PTPRU: variants seen among roughly 807,000 people sequenced by gnomAD.
The protein encoded by PTPRU is receptor-type tyrosine-protein phosphatase U.
In PTPRU, 69 loss-of-function variants were observed where a neutral mutation model predicts 166.3. That is an observed-to-expected ratio of 0.41 (90% CI 0.34 to 0.51). The LOEUF (loss-of-function observed/expected upper bound fraction) is 0.51. Among genes scored for constraint, PTPRU ranks in the 20% least tolerant of loss-of-function variants. The pLI, the probability that PTPRU is intolerant of heterozygous loss-of-function variation, is 0.09. For missense variants in PTPRU, 1,657 were observed against 2,013.7 expected, an observed-to-expected ratio of 0.82 and a Z score of 3.39; for synonymous variants, 793 against 814.0, an observed-to-expected ratio of 0.97 and a Z score of 0.44.
rs201737686 is a variant in PTPRU at position 29,311,561 on chromosome 1, G to A, written c.2955+8G>A. On this transcript the variant is annotated splice_region_variant and intron_variant, in intron 20 of 29. Coordinates refer to ENST00000373779, the MANE Select transcript of PTPRU (RefSeq NM_133178.4). This position sits in a 1 kb window ranked among gnomAD's most constrained non-coding sequence, Gnocchi z 4.1. ...CTGGTCGAGGTGGGCAGGGTAAGCC[G>A]GGCTGTGGGGCGAGCTGGGGCGCAT... is the stretch of plus-strand genomic sequence containing the variant. 226 of 1,614,098 alleles carry A rather than the reference G, an allele frequency of 1.4e-4. No homozygotes were observed. The highest frequency in any genetic ancestry group is 1.8e-4 in the Non-Finnish European group (210 of 1,180,054).
At position 29,277,803 on chromosome 1, in the gene PTPRU, C is replaced by CTTTTTTTTTTTTTTTTTTTTTTT. The variant is rs71586898; in HGVS notation, c.1454-1198_1454-1176dup. Among the ~76,000 whole-genome samples, 19 of 50,590 alleles carry CTTTTTTTTTTTTTTTTTTTTTTT rather than the reference C, an allele frequency of 3.8e-4. 5 individuals carry two copies. The highest frequency in any genetic ancestry group is 6.4e-4 in the African/African-American group (7 of 10,910). The allele number at this position is 50,590 out of a possible 152,430, so 33.2% of individuals were successfully genotyped here. On this transcript the variant is annotated intron_variant, in intron 8 of 29. Coordinates refer to ENST00000373779, the MANE Select transcript of PTPRU (RefSeq NM_133178.4). ...ACCATCTGGCTTCACAGTTGTCATTCTTTTTTTTTTTTTTTTTTTTTTTTT... is the reference window on the plus strand; with the variant it reads ...ACCATCTGGCTTCACAGTTGTCATTCTTTTTTTTTTTTTTTTTTTTTTTTTTTTTTTTTTTTTTTTTTTTTTTT...
At chr1:29,294,136 C>T (rs1183782714) in intron 15 of PTPRU, among the ~76,000 whole-genome samples, 1 of 152,194 alleles carries the variant, frequency 6.6e-6, no homozygotes, top group African/African-American at 2.4e-5. Flanking sequence ...GCATCTTCAG[C>T]TTAATAAGAG....
intron 2 of PTPRU, among the ~76,000 whole-genome samples, chr1:29,255,994 A>G (rs1349486062): frequency 1.3e-5 from 2 of 152,288 alleles, no homozygotes; most frequent in South Asian, 2.1e-4. Flanking sequence ...TCCTGCTTTC[A>G]TCATGGCCCC....
At chr1:29,263,606 A>C (rs1208786117) in intron 7 of PTPRU, among the ~76,000 whole-genome samples, 2 of 152,130 alleles carry the variant, frequency 1.3e-5, no homozygotes, top group African/African-American at 4.8e-5. Context: ...TTAAATTTCC[A>C]CTACTTGTCT....
intron 15 of PTPRU, 46 bp downstream of exon 15, chr1:29,292,072 C>A: frequency 6.2e-7 from 1 of 1,604,600 alleles, no homozygotes; most frequent in Non-Finnish European, 8.5e-7. Flanking sequence ...TCTGGGGCTC[C>A]CAACCTGAGA....
At chr1:29,293,620 G>A (rs1320804410) in intron 15 of PTPRU, among the ~76,000 whole-genome samples, 3 of 151,770 alleles carry the variant, frequency 2.0e-5, no homozygotes, top group African/African-American at 4.8e-5. Flanking sequence ...GACTACAGGC[G>A]CCCGCCACTG....
intron 1 of PTPRU, among the ~76,000 whole-genome samples, chr1:29,248,449 C>T (rs1684392940): frequency 6.6e-6 from 1 of 152,094 alleles, no homozygotes. Flanking sequence ...TGAATTCCCC[C>T]ACCCACAACT....
In PTPRU at chr1:29,260,985, T is replaced by C. The variant is rs1189508746; in HGVS notation, c.1144+82T>C. 7.2e-7 allele frequency: 1 copy of C among 1,396,664 alleles called. No homozygotes were observed. Among genetic ancestry groups the C allele is most frequent in the Non-Finnish European group, 9.4e-7 (1 of 1,068,788 alleles). The allele number at this position is 1,396,664 out of a possible 1,614,324, so 86.5% of individuals were successfully genotyped here. On this transcript the variant is annotated intron_variant, in intron 7 of 29. Transcript: ENST00000373779. The surrounding 1 kb of genome is among the most constrained non-coding windows in gnomAD (Gnocchi z 8.3). ...GGCGCATTCGAGAGGTAGCGTGGCCTGTGCTTGTAAACCTTTCTAAAACAT... is the reference window on the plus strand; with the variant it reads ...GGCGCATTCGAGAGGTAGCGTGGCCCGTGCTTGTAAACCTTTCTAAAACAT...
rs1687954106 is a variant in PTPRU, at chr1:29,317,574, T to A, written c.3514-174T>A. 6.6e-6 allele frequency among the ~76,000 whole-genome samples: 1 copy of A among 152,180 alleles called. No individual in the cohort carries two copies. The stretch of plus-strand genomic sequence containing the variant: ...TCTCTAGAGCTCTATCCAGGCCCTA[T>A]AATGGCCTAGAGACAGGGAGTCTGG... On this transcript the variant is annotated intron_variant, in intron 24 of 29. Transcript: ENST00000373779. The surrounding 1 kb of genome is among the most constrained non-coding windows in gnomAD (Gnocchi z 5.6).
chr1:29,306,642 G>A (rs577815243), intron 18 of PTPRU, among the ~76,000 whole-genome samples: 1 of 152,332 alleles, frequency 6.6e-6, no homozygotes, highest in African/African-American at 2.4e-5. Context: ...AGAGGAGAGG[G>A]AAGAGTGTCC....
In PTPRU at chr1:29,260,310, T is replaced by C. The variant is rs1684997557; in HGVS notation, c.850+266T>C. On this transcript the variant is annotated intron_variant, in intron 6 of 29. Coordinates refer to ENST00000373779, the MANE Select transcript of PTPRU (RefSeq NM_133178.4). The surrounding 1 kb of genome is among the most constrained non-coding windows in gnomAD (Gnocchi z 8.3). ...GGTGGGGTTCTGGCTGTGTGACTTC[T>C]GTGTTGATCCTAGCTGGCCTGCGGT... 4.2e-6 allele frequency: 2 copies of C among 480,786 alleles called. No individual in the cohort carries two copies. Among genetic ancestry groups the C allele is most frequent in the South Asian group, 4.6e-5 (1 of 21,556 alleles). The allele number at this position is 480,786 out of a possible 1,614,324, so 29.8% of individuals were successfully genotyped here. A position where few individuals can be genotyped will look rare whatever the true frequency, so the allele number is the denominator to read the frequency against.
At position 29,311,526 on chromosome 1, in the gene PTPRU, G is replaced by A. The variant is rs1188918106; in HGVS notation, c.2928G>A (p.Met976Ile). 6.2e-7 allele frequency: 1 copy of A among 1,614,172 alleles called. No homozygotes were observed. Among genetic ancestry groups the A allele is most frequent in the Non-Finnish European group, 8.5e-7 (1 of 1,180,024 alleles). Residue 976 changes from methionine to isoleucine, a missense_variant, in exon 20 of 30, where the codon ATG becomes ATA. By Grantham distance (10) the Met-to-Ile change is conservative. Coordinates refer to ENST00000373779, the MANE Select transcript of PTPRU (RefSeq NM_133178.4). The surrounding 1 kb of genome is among the most constrained non-coding windows in gnomAD (Gnocchi z 4.1). ...VWQEHCSSIVMITKLVEVGRV... is the reference protein window; with the variant it reads ...VWQEHCSSIVIITKLVEVGRV... ...AGGAGCACTGTTCCAGCATCGTCAT[G>A]ATCACCAAGCTGGTCGAGGTGGGCA...
intron 26 of PTPRU, among the ~76,000 whole-genome samples, chr1:29,322,520 G>T (rs1004764307): frequency 2.0e-5 from 3 of 152,154 alleles, no homozygotes; most frequent in Non-Finnish European, 4.4e-5. Flanking sequence ...AGAGAGACCC[G>T]TGGAGAGGGA....
intron 14 of PTPRU, among the ~76,000 whole-genome samples, chr1:29,288,528 C>T (rs1686467651): frequency 6.6e-6 from 1 of 152,196 alleles, no homozygotes; most frequent in Non-Finnish European, 1.5e-5. Flanking sequence ...CGTGGGGCCT[C>T]TGCAACAGCC....
Position 29,260,086 on chromosome 1 carries a change from GA to G in PTPRU, c.850+43del. ...CGGGGAGCGCCGGGACCTCACCCTCGAGGGGCGGGGCCGGCGACGGGGGCGG... is the reference window on the plus strand; with the variant it reads ...CGGGGAGCGCCGGGACCTCACCCTCGGGGGCGGGGCCGGCGACGGGGGCGG... On this transcript the variant is annotated intron_variant, in intron 6 of 29. Coordinates refer to ENST00000373779, the MANE Select transcript of PTPRU (RefSeq NM_133178.4). The surrounding 1 kb of genome is among the most constrained non-coding windows in gnomAD (Gnocchi z 8.3). 1 of 1,367,028 alleles carries G rather than the reference GA, an allele frequency of 7.3e-7. No individual in the cohort carries two copies. The highest frequency in any genetic ancestry group is 9.4e-7 in the Non-Finnish European group (1 of 1,065,568). The allele number at this position is 1,367,028 out of a possible 1,614,324, so 84.7% of individuals were successfully genotyped here.
At chr1:29,263,936 G>A (rs894616542) in intron 7 of PTPRU, among the ~76,000 whole-genome samples, 2 of 152,048 alleles carry the variant, frequency 1.3e-5, no homozygotes, top group Admixed American at 1.3e-4. Flanking sequence ...CAGCACTTTG[G>A]GGGGCCGAGG....
chr1:29,276,870 A>C (rs929337443), intron 8 of PTPRU, among the ~76,000 whole-genome samples: 3 of 152,148 alleles, frequency 2.0e-5, no homozygotes, highest in Non-Finnish European at 2.9e-5. Flanking sequence ...AGTTTCTTAG[A>C]TCATTAATAC....
At chr1:29,305,893 T>C (rs1489394820) in intron 18 of PTPRU, among the ~76,000 whole-genome samples, 1 of 152,142 alleles carries the variant, frequency 6.6e-6, no homozygotes, top group Non-Finnish European at 1.5e-5. Context: ...ATAACGCACA[T>C]TTATCCAGCA....
intron 11 of PTPRU, 50 bp from the exon 12 acceptor site, chr1:29,282,626 C>T: frequency 6.4e-7 from 1 of 1,565,494 alleles, no homozygotes; most frequent in Non-Finnish European, 8.7e-7. Context: ...GCTGGCTCTC[C>T]CAGTCCTCTG....
Sources: allele counts gnomAD v4.1 joint callset (sites outside exome capture counted in the v4.1 genomes callset), GRCh38; gene constraint gnomAD v4.1.1; non-coding constraint Gnocchi (gnomAD v3.1); transcripts MANE v1.5; gene names NCBI Gene and HGNC (gene_info 2026-07-23, HGNC 2026-07-21).